CCDC60: variants seen among roughly 807,000 people sequenced by gnomAD.
CCDC60 encodes the protein coiled-coil domain-containing protein 60.
A neutral mutation model predicts 63.5 loss-of-function variants in CCDC60; 54 were observed. The observed-to-expected ratio is 0.85, with a 90% CI of 0.68 to 1.07. The LOEUF is 1.07. CCDC60 is among the 50% of genes least tolerant of loss of function. The pLI, the probability that CCDC60 is intolerant of heterozygous loss-of-function variation, is 0.00. For missense variants in CCDC60, 651 were observed against 684.3 expected, an observed-to-expected ratio of 0.95 and a Z score of 0.54; for synonymous variants, 206 against 238.8, an observed-to-expected ratio of 0.86 and a Z score of 1.27.
chr12:119,408,612 A>G (rs1170655086), intron 1 of CCDC60, among the ~76,000 whole-genome samples: 1 of 152,212 alleles, frequency 6.6e-6, no homozygotes, highest in Non-Finnish European at 1.5e-5. Flanking sequence ...TCACGAGGTC[A>G]GGAGATCGAA....
At chr12:119,353,467 T>C (rs566843178) in intron 1 of CCDC60, among the ~76,000 whole-genome samples, 66 of 143,812 alleles carry the variant, frequency 4.6e-4, no homozygotes, top group Non-Finnish European at 8.0e-4. Context: ...TCACTCTCTG[T>C]CCATCTCTCT....
At chr12:119,481,483 G>A (rs1593151561) in intron 4 of CCDC60, among the ~76,000 whole-genome samples, 3 of 152,250 alleles carry the variant, frequency 2.0e-5, no homozygotes, top group Non-Finnish European at 4.4e-5. Flanking sequence ...GAGCCATTGA[G>A]GCTTACTTAA....
chr12:119,405,525 G>T (rs1956470746), intron 1 of CCDC60, among the ~76,000 whole-genome samples: 1 of 152,064 alleles, frequency 6.6e-6, no homozygotes, highest in South Asian at 2.1e-4. Flanking sequence ...TTAGTTTTTA[G>T]AAAATTAATG....
At chr12:119,370,551 T>G (rs1395491509) in intron 1 of CCDC60, among the ~76,000 whole-genome samples, 2 of 152,200 alleles carry the variant, frequency 1.3e-5, no homozygotes, top group African/African-American at 4.8e-5. Context: ...CTTGAGGGCC[T>G]GAAGTCTATG....
At chr12:119,361,381 A>G (rs187124383) in intron 1 of CCDC60, among the ~76,000 whole-genome samples, 1 of 152,224 alleles carries the variant, frequency 6.6e-6, no homozygotes, top group Admixed American at 6.5e-5. Context: ...AGACAAAGTC[A>G]TCAAGAATCT....
intron 5 of CCDC60, among the ~76,000 whole-genome samples, chr12:119,489,385 A>G (rs1951531493): frequency 6.6e-6 from 1 of 151,746 alleles, no homozygotes; most frequent in Non-Finnish European, 1.5e-5. Flanking sequence ...ATTGGTGGCT[A>G]CTTCTCCACT....
rs183718174 is a variant in CCDC60 at position 119,495,241 on chromosome 12, G to C, written c.558-4837G>C. Among the ~76,000 whole-genome samples the C allele has an allele frequency of 5.0e-3, 768 of 152,250 alleles. 6 individuals carry two copies. Among genetic ancestry groups the C allele is most frequent in the Middle Eastern group, 0.02 (6 of 294 alleles). On this transcript the variant is annotated intron_variant, in intron 5 of 13. Coordinates refer to ENST00000327554, the MANE Select transcript of CCDC60 (RefSeq NM_178499.5). ...ACCCCCAAATGGTTGTTTCTCTGTA[G>C]GTAAATCCCAAAGTCTTTAATCAAC...
chr12:119,499,948 GA>G (rs1466978483), intron 5 of CCDC60, 129 bp from the exon 6 acceptor site: 29 of 735,594 alleles, frequency 3.9e-5, no homozygotes, highest in Non-Finnish European at 3.4e-5. Flanking sequence ...TTCACAAGTA[GA>G]GGAGTGGGGG....
At chr12:119,341,518 G>A (rs193045779) in intron 1 of CCDC60, among the ~76,000 whole-genome samples, 50 of 152,308 alleles carry the variant, frequency 3.3e-4, no homozygotes, top group Non-Finnish European at 6.2e-4. Flanking sequence ...AGAACAATAA[G>A]ATCTATGGCA....
intron 2 of CCDC60, among the ~76,000 whole-genome samples, chr12:119,458,812 T>G (rs778872483): frequency 4.6e-5 from 7 of 152,152 alleles, no homozygotes; most frequent in African/African-American, 1.7e-4. Flanking sequence ...AATGGCATGA[T>G]CTCGGCTCAC....
At chr12:119,440,611 G>C (rs1766813212) in intron 2 of CCDC60, among the ~76,000 whole-genome samples, 1 of 152,084 alleles carries the variant, frequency 6.6e-6, no homozygotes, top group Non-Finnish European at 1.5e-5. Context: ...TTGTAGGATG[G>C]GTTCCCAGGG....
At chr12:119,382,941 G>A (rs1197674181) in intron 1 of CCDC60, among the ~76,000 whole-genome samples, 2 of 152,148 alleles carry the variant, frequency 1.3e-5, no homozygotes, top group Admixed American at 6.5e-5. Context: ...GCAGACCCAG[G>A]GTAATTGGAG....
At chr12:119,396,653 G>A (rs1274196888) in intron 1 of CCDC60, among the ~76,000 whole-genome samples, 1 of 152,194 alleles carries the variant, frequency 6.6e-6, no homozygotes, top group Non-Finnish European at 1.5e-5. Context: ...GCCAAGGCAG[G>A]AGGATCACTT....
chr12:119,474,376 T>C (rs958575874), intron 3 of CCDC60, among the ~76,000 whole-genome samples: 7 of 152,226 alleles, frequency 4.6e-5, no homozygotes, highest in African/African-American at 1.7e-4. Context: ...AATTCTGTTC[T>C]TGAGAATGTT....
Position 119,393,212 on chromosome 12 carries a change from C to T in CCDC60, c.91-35471C>T, listed in dbSNP as rs377037677. Reference sequence around the variant, plus strand: ...TGCCAGGTACTCACCATACATTTTACGGCTCATTAAATCTCTAATTAGACA... The same window carrying T: ...TGCCAGGTACTCACCATACATTTTATGGCTCATTAAATCTCTAATTAGACA... On this transcript the variant is annotated intron_variant, in intron 1 of 13. Transcript: ENST00000327554. Among the ~76,000 whole-genome samples, 54 of 152,230 alleles carry T rather than the reference C, an allele frequency of 3.5e-4. No individual in the cohort carries two copies. The East Asian group carries it at 6.8e-3, about 19-fold the overall frequency.
chr12:119,496,367 T>C (rs1017119245), intron 5 of CCDC60, among the ~76,000 whole-genome samples: 1 of 152,124 alleles, frequency 6.6e-6, no homozygotes, highest in African/African-American at 2.4e-5. Flanking sequence ...GCTTGGCGGA[T>C]ATAGTTAAAA....
intron 2 of CCDC60, among the ~76,000 whole-genome samples, chr12:119,455,102 T>C (rs1052280094): frequency 2.0e-5 from 3 of 146,826 alleles, no homozygotes; most frequent in Non-Finnish European, 4.6e-5. Context: ...CTGGGAAATA[T>C]AGTTTTTGTT....
In CCDC60 at chr12:119,490,360, T is replaced by A. The variant is rs569909151; in HGVS notation, c.557+1494T>A. ...TTAAGCAGCAGACCTCATTTTTTTTTAAATAGAAACCTCTGTAATGTAAAA... is the reference window on the plus strand; with the variant it reads ...TTAAGCAGCAGACCTCATTTTTTTTAAAATAGAAACCTCTGTAATGTAAAA... On this transcript the variant is annotated intron_variant, in intron 5 of 13. Coordinates refer to ENST00000327554, the MANE Select transcript of CCDC60 (RefSeq NM_178499.5). 3.7e-4 allele frequency among the ~76,000 whole-genome samples: 56 copies of A among 152,300 alleles called. 1 individual carries two copies. The highest frequency in any genetic ancestry group is 4.7e-4 in the Non-Finnish European group (32 of 68,026).
intron 1 of CCDC60, among the ~76,000 whole-genome samples, chr12:119,359,798 C>G (rs961013681): frequency 1.3e-5 from 2 of 152,000 alleles, no homozygotes; most frequent in African/African-American, 2.4e-5. Context: ...GCCCTTAATC[C>G]ATTTAACTCT....
Sources: allele counts gnomAD v4.1 joint callset (sites outside exome capture counted in the v4.1 genomes callset), GRCh38; gene constraint gnomAD v4.1.1; transcripts MANE v1.5; gene names NCBI Gene and HGNC (gene_info 2026-07-23, HGNC 2026-07-21).